Variants in RBFOX1 observed in about 807,000 individuals in gnomAD.
RBFOX1 encodes the protein RNA binding protein fox-1 homolog 1.
A neutral mutation model predicts 57.7 loss-of-function variants in RBFOX1; 8 were observed. The observed-to-expected ratio is 0.14, with a 90% CI of 0.08 to 0.25. The LOEUF (loss-of-function observed/expected upper bound fraction) is 0.25. RBFOX1 is among the 10% of genes least tolerant of loss of function. RBFOX1 has a pLI of 1.00. For missense variants in RBFOX1, 611 were observed against 548.5 expected, an observed-to-expected ratio of 1.11 and a Z score of -1.14; for synonymous variants, 326 against 222.4, an observed-to-expected ratio of 1.47 and a Z score of -4.15.
chr16:5,890,696 T>TG (rs2058025694), intron 4 of RBFOX1, among the ~76,000 whole-genome samples: 1 of 72,654 alleles, frequency 1.4e-5, no homozygotes, highest in African/African-American at 5.2e-5. Flanking sequence ...GAGTCTGTAT[T>TG]GAAAAAAAAA....
chr16:7,709,001 T>TCCAC, intron 14 of RBFOX1, 55 bp from the exon 15 acceptor site: 2 of 1,511,770 alleles, frequency 1.3e-6, no homozygotes, highest in African/African-American at 2.8e-5. Context: ...TTATGATTGT[T>TCCAC]ATTGTTTTGT....
intron 3 of RBFOX1, among the ~76,000 whole-genome samples, chr16:5,821,208 T>G (rs2055840955): frequency 6.6e-6 from 1 of 152,018 alleles, no homozygotes. Context: ...CTGCCTCAGA[T>G]GCTGAAGCCT....
At chr16:6,011,771 C>T (rs574215957) in intron 4 of RBFOX1, among the ~76,000 whole-genome samples, 65 of 152,286 alleles carry the variant, frequency 4.3e-4, no homozygotes, top group Non-Finnish European at 6.5e-4. Context: ...CTAATGACCA[C>T]GCACGCTGAG....
chr16:7,005,244 T>C (rs1473637399), intron 3 of RBFOX1, among the ~76,000 whole-genome samples: 1 of 152,186 alleles, frequency 6.6e-6, no homozygotes, highest in Non-Finnish European at 1.5e-5. Flanking sequence ...TGAGTGCTAA[T>C]AGCTTTCCCC....
chr16:5,527,190 G>C (rs141231051), intron 2 of RBFOX1, among the ~76,000 whole-genome samples: 189 of 152,286 alleles, frequency 1.2e-3, no homozygotes, highest in African/African-American at 4.3e-3. Context: ...TCTCCTCTTT[G>C]ATTTCTGCTG....
At chr16:5,810,728 G>C (rs899876884) in intron 3 of RBFOX1, among the ~76,000 whole-genome samples, 1 of 152,162 alleles carries the variant, frequency 6.6e-6, no homozygotes, top group South Asian at 2.1e-4. Context: ...TTGGGACTAA[G>C]ACCTCATAGC....
chr16:6,027,731 C>G (rs2095222716), intron 1 of RBFOX1, among the ~76,000 whole-genome samples: 1 of 152,094 alleles, frequency 6.6e-6, no homozygotes, highest in South Asian at 2.1e-4. Flanking sequence ...GTTTTTGTTG[C>G]TAGAATTTCA....
chr16:6,553,558 A>T (rs148509819), intron 2 of RBFOX1, among the ~76,000 whole-genome samples: 1 of 152,222 alleles, frequency 6.6e-6, no homozygotes, highest in Admixed American at 6.5e-5. Flanking sequence ...CACCAAGTCT[A>T]TCTAATCACA....
chr16:7,034,834 T>TTTTTTTC (rs1321370059), intron 3 of RBFOX1, among the ~76,000 whole-genome samples: 3 of 86,108 alleles, frequency 3.5e-5, no homozygotes, highest in African/African-American at 9.7e-5. Flanking sequence ...TTACTTTTTT[T>TTTTTTTC]TTTTTTCTTT....
intron 4 of RBFOX1, among the ~76,000 whole-genome samples, chr16:7,079,204 CG>C (rs1334527649): frequency 6.6e-6 from 1 of 152,062 alleles, no homozygotes; most frequent in Non-Finnish European, 1.5e-5. Flanking sequence ...CATCCAGGCG[CG>C]GGACTGCATA....
intron 2 of RBFOX1, among the ~76,000 whole-genome samples, chr16:6,438,902 C>G (rs955445256): frequency 6.6e-6 from 1 of 152,120 alleles, no homozygotes; most frequent in South Asian, 2.1e-4. Flanking sequence ...ATCATATGTG[C>G]TGAATTTTGC....
intron 3 of RBFOX1, among the ~76,000 whole-genome samples, chr16:6,747,587 T>C (rs920985347): frequency 1.3e-5 from 2 of 152,206 alleles, no homozygotes. Context: ...ATTTTTAGTA[T>C]CTTCTATGGG....
intron 3 of RBFOX1, among the ~76,000 whole-genome samples, chr16:6,724,077 G>A (rs1034088335): frequency 3.3e-5 from 5 of 152,150 alleles, no homozygotes; most frequent in Non-Finnish European, 2.9e-5. Context: ...TACCCCGGGT[G>A]ATAGTATTAG....
rs181037545 is a variant in RBFOX1, at chr16:7,709,408, T to A, written c.1071+277T>A. 35 of 1,286,480 alleles carry A rather than the reference T, an allele frequency of 2.7e-5. No individual in the cohort carries two copies. In the African/African-American group the frequency reaches 5.1e-4, roughly 19 times the overall value. The allele number at this position is 1,286,480 out of a possible 1,614,324, so 79.7% of individuals were successfully genotyped here. ...ATGGAATAATTAGTCATTTTGATAA[T>A]TAAATCCATCACTAACAGAATGCAG... On this transcript the variant is annotated intron_variant, in intron 15 of 15. Coordinates refer to ENST00000550418, the MANE Select transcript of RBFOX1 (RefSeq NM_018723.4).
chr16:5,569,056 T>C (rs1444542866), intron 2 of RBFOX1, among the ~76,000 whole-genome samples: 1 of 151,718 alleles, frequency 6.6e-6, no homozygotes, highest in African/African-American at 2.4e-5. Flanking sequence ...TTCATCATAT[T>C]GGTCAGGTTG....
chr16:5,825,685 C>G (rs1266642064), intron 3 of RBFOX1, among the ~76,000 whole-genome samples: 4 of 152,062 alleles, frequency 2.6e-5, no homozygotes, highest in African/African-American at 7.2e-5. Context: ...TTTCATCACC[C>G]CAAAGTAAAG....
At chr16:5,456,348 A>C (rs1306912237) in intron 1 of RBFOX1, among the ~76,000 whole-genome samples, 2 of 152,036 alleles carry the variant, frequency 1.3e-5, no homozygotes, top group Non-Finnish European at 2.9e-5. Flanking sequence ...AAAAAGTGAA[A>C]CTCGCCTTGT....
At chr16:7,117,043 C>T (rs979993979) in intron 4 of RBFOX1, among the ~76,000 whole-genome samples, 5 of 152,114 alleles carry the variant, frequency 3.3e-5, no homozygotes, top group Admixed American at 1.3e-4. Flanking sequence ...CAAGAGGGGA[C>T]AGTTTTGTCA....
chr16:6,308,154 G>A (rs889341066), intron 1 of RBFOX1, among the ~76,000 whole-genome samples: 18 of 151,318 alleles, frequency 1.2e-4, no homozygotes, highest in African/African-American at 4.1e-4. Flanking sequence ...GAGTTATTTG[G>A]AATGTCATTT....
Sources: gnomAD v4.1 joint callset for allele counts (sites outside exome capture counted in the v4.1 genomes callset) on GRCh38, gnomAD v4.1.1 for gene constraint, MANE v1.5 for transcripts, NCBI Gene and HGNC (gene_info 2026-07-23, HGNC 2026-07-21) for gene names.